SLC38A6: variants seen among roughly 807,000 people sequenced by gnomAD.
SLC38A6 encodes the protein N system amino acid transporter NAT-1.
A neutral mutation model predicts 65.0 loss-of-function variants in SLC38A6; 73 were observed. The ratio of observed to expected loss-of-function variants is 1.12; its 90% CI spans 0.93 to 1.37. SLC38A6 has a LOEUF of 1.37. Ranked by LOEUF, SLC38A6 falls within the 40% of genes most tolerant of loss-of-function variation. The pLI is 0.00. For synonymous variants in SLC38A6, 183 were observed against 178.8 expected (o/e 1.02, Z -0.19); for missense variants, 561 against 531.1 (o/e 1.06, Z -0.55).
chr14:61,019,480 A>G, intron 4 of SLC38A6, 61 bp from the exon 5 acceptor site: 1 of 1,558,796 alleles, frequency 6.4e-7, no homozygotes, highest in Non-Finnish European at 8.8e-7. Flanking sequence ...ATTTTAATAA[A>G]ATACTGATCC....
At chr14:61,012,867 T>G (rs190431773) in intron 3 of SLC38A6, among the ~76,000 whole-genome samples, 1,604 of 152,324 alleles carry the variant, frequency 0.011, 21 homozygotes, top group South Asian at 0.026. Context: ...TCTGTTGATT[T>G]GGGTTGGAGA....
chr14:60,987,019 CTCT>C (rs528444312), intron 3 of SLC38A6: 5,481 of 301,510 alleles, frequency 0.018, 69 homozygotes, highest in Middle Eastern at 0.037. Flanking sequence ...ATATCTGTTT[CTCT>C]TCTTTTTTCT....
At chr14:61,074,998 C>T (rs1305545661) in intron 15 of SLC38A6, among the ~76,000 whole-genome samples, 3 of 151,548 alleles carry the variant, frequency 2.0e-5, no homozygotes, top group East Asian at 1.9e-4. Flanking sequence ...AATTTCACCT[C>T]AATCAAAAAA....
intron 5 of SLC38A6, among the ~76,000 whole-genome samples, chr14:61,026,990 A>G (rs1399033686): frequency 1.3e-5 from 2 of 151,990 alleles, no homozygotes; most frequent in Non-Finnish European, 2.9e-5. Context: ...CAATTCATTT[A>G]TTTCACTTTA....
rs375331303 is a variant in SLC38A6, at chr14:61,015,976, A to G, written c.363+20A>G. On this transcript the variant is annotated intron_variant, in intron 4 of 15. Coordinates refer to ENST00000267488, the MANE Select transcript of SLC38A6 (RefSeq NM_153811.3). ...GGAAAGGTAATTTTTTTTCCTCCTC[A>G]TTGTGTCCAAAACCCAAAGTGGCAT... The G allele has an allele frequency of 6.3e-7, 1 of 1,594,650 alleles. No individual in the cohort carries two copies. Among genetic ancestry groups the G allele is most frequent in the African/African-American group, 1.4e-5 (1 of 74,054 alleles).
At chr14:61,083,644 C>T (rs1452532014) in exon 17 of SLC38A6, 1 of 1,550,436 alleles carries the variant, frequency 6.4e-7, no homozygotes, top group Non-Finnish European at 8.7e-7. Context: ...GGGAAGAGGC[C>T]TCAGGAGAAC....
At chr14:61,042,853 G>A (rs749742043) in intron 8 of SLC38A6, among the ~76,000 whole-genome samples, 18 of 152,032 alleles carry the variant, frequency 1.2e-4, no homozygotes, top group Non-Finnish European at 2.1e-4. Flanking sequence ...CCTGTTTTGA[G>A]TTGCACTTAA....
At chr14:61,022,467 G>GTATA (rs61566181) in intron 5 of SLC38A6, among the ~76,000 whole-genome samples, 18 of 147,498 alleles carry the variant, frequency 1.2e-4, no homozygotes, top group Middle Eastern at 7.3e-3. Context: ...TATTAAATAA[G>GTATA]TATATATATA....
intron 3 of SLC38A6, among the ~76,000 whole-genome samples, chr14:60,989,257 T>C (rs1191635628): frequency 6.6e-6 from 1 of 152,322 alleles, no homozygotes; most frequent in Non-Finnish European, 1.5e-5. Flanking sequence ...CCACCTGCTC[T>C]TGCCTACATC....
intron 10 of SLC38A6, 117 bp from the exon 11 acceptor site, chr14:61,045,229 A>T: frequency 1.5e-6 from 1 of 662,702 alleles, no homozygotes; most frequent in East Asian, 2.8e-5. Flanking sequence ...AGACTCATTA[A>T]AGATGAAATA....
intron 3 of SLC38A6, among the ~76,000 whole-genome samples, chr14:61,006,935 A>C (rs1490534120): frequency 6.6e-6 from 1 of 152,248 alleles, no homozygotes; most frequent in Non-Finnish European, 1.5e-5. Context: ...AATGTCCAAC[A>C]ATGATAGAGT....
At chr14:60,982,668 T>C in intron 2 of SLC38A6, 30 bp downstream of exon 2, 21 of 1,587,780 alleles carry the variant, frequency 1.3e-5, no homozygotes, top group Non-Finnish European at 1.7e-5. Flanking sequence ...CATCAAATTT[T>C]TTTTTCCATT....
At chr14:61,034,106 G>A (rs902315435) in intron 6 of SLC38A6, 1 of 152,084 alleles carries the variant, frequency 6.6e-6, no homozygotes, top group African/African-American at 2.4e-5. Context: ...AGTTACTGCT[G>A]GGAGGAGGTA....
At chr14:61,025,164 C>G (rs552801545) in intron 5 of SLC38A6, among the ~76,000 whole-genome samples, 1 of 152,240 alleles carries the variant, frequency 6.6e-6, no homozygotes, top group Admixed American at 6.5e-5. Flanking sequence ...ACTCGGGTAA[C>G]CCCATTTCTA....
chr14:61,019,504 C>G (rs753165561), intron 4 of SLC38A6, 37 bp from the exon 5 acceptor site: 105 of 1,603,506 alleles, frequency 6.5e-5, no homozygotes, highest in Non-Finnish European at 1.9e-5. Context: ...TATATTGTTT[C>G]CCCTTCTATC....
intron 3 of SLC38A6, among the ~76,000 whole-genome samples, chr14:60,998,129 G>A (rs2139349856): frequency 6.6e-6 from 1 of 151,768 alleles, no homozygotes. Flanking sequence ...AGAAGAGAGA[G>A]TGACTTTGAT....
chr14:61,025,779 C>G (rs2040580849), intron 5 of SLC38A6, among the ~76,000 whole-genome samples: 1 of 151,992 alleles, frequency 6.6e-6, no homozygotes, highest in Non-Finnish European at 1.5e-5. Context: ...GTGTTCTGTA[C>G]TATTTGAGTG....
chr14:61,019,084 G>C (rs2040194503), intron 4 of SLC38A6, among the ~76,000 whole-genome samples: 1 of 152,180 alleles, frequency 6.6e-6, no homozygotes. Context: ...GGACTGGGAT[G>C]CTCAAAGTCT....
intron 3 of SLC38A6, among the ~76,000 whole-genome samples, chr14:61,015,020 G>A (rs910013726): frequency 9.8e-5 from 15 of 152,324 alleles, no homozygotes; most frequent in African/African-American, 3.4e-4. Flanking sequence ...TTGAGCTGTG[G>A]TGGGCTCCAC....
Sources: gnomAD v4.1 joint callset for allele counts (sites outside exome capture counted in the v4.1 genomes callset) on GRCh38, gnomAD v4.1.1 for gene constraint, MANE v1.5 for transcripts, NCBI Gene and HGNC (gene_info 2026-07-23, HGNC 2026-07-21) for gene names.